The following TRPM4 variants were observed in gnomAD, a reference collection of about 807,000 sequenced individuals.
TRPM4 encodes transient receptor potential cation channel subfamily M member 4.
TRPM4 carries 124 observed loss-of-function variants against 135.6 expected under a neutral mutation model. The ratio of observed to expected loss-of-function variants is 0.91; its 90% CI spans 0.79 to 1.06. The LOEUF is 1.06. TRPM4 is among the 50% of genes least tolerant of loss of function. The pLI, the probability that TRPM4 is intolerant of heterozygous loss-of-function variation, is 0.00. For missense variants in TRPM4, 1,658 were observed against 1,671.4 expected, an observed-to-expected ratio of 0.99 and a Z score of 0.14; for synonymous variants, 745 against 705.6, an observed-to-expected ratio of 1.06 and a Z score of -0.88.
In TRPM4 at chr19:49,161,660, C is replaced by T. The variant is rs530375935; in HGVS notation, c.92+3401C>T. On this transcript the variant is annotated intron_variant, in intron 2 of 24. Coordinates refer to ENST00000252826, the MANE Select transcript of TRPM4 (RefSeq NM_017636.4). ...CTTTTTTTTTTTTGAGACGGAGTCT[C>T]GCTCTATCACCCAGGCTGGAGTGCA... 5.3e-5 allele frequency among the ~76,000 whole-genome samples: 8 copies of T among 150,320 alleles called. No individual in the cohort carries two copies. The South Asian group carries it at 1.1e-3, about 20-fold the overall frequency.
intron 12 of TRPM4, among the ~76,000 whole-genome samples, chr19:49,185,876 A>C (rs1293686635): frequency 4.0e-5 from 6 of 151,832 alleles, no homozygotes; most frequent in Admixed American, 3.9e-4. Flanking sequence ...TCAGCCTCCC[A>C]AGTAGCTGGG....
chr19:49,210,145 AC>A lies in TRPM4; in HGVS notation c.3132-62del. ...CTGAACAATTATTGCCTGGCATCTAACCTTCGTCCTTGCCCCTGGCTGGGCC... is the reference window on the plus strand; with the variant it reads ...CTGAACAATTATTGCCTGGCATCTAACTTCGTCCTTGCCCCTGGCTGGGCC... On this transcript the variant is annotated intron_variant, in intron 20 of 24. Transcript: ENST00000252826. The surrounding 1 kb of genome is among the most constrained non-coding windows in gnomAD (Gnocchi z 4.1). 1 of 1,525,978 alleles carries A rather than the reference AC, an allele frequency of 6.6e-7. No homozygotes were observed. The highest frequency in any genetic ancestry group is 9.1e-7 in the Non-Finnish European group (1 of 1,099,622). 94.5% of individuals were successfully genotyped at this position (1,525,978 alleles called of 1,614,324 possible). A position where few individuals can be genotyped will look rare whatever the true frequency, so the allele number is the denominator to read the frequency against.
intron 17 of TRPM4, 41 bp from the exon 18 acceptor site, chr19:49,200,259 C>A: frequency 6.2e-7 from 1 of 1,614,098 alleles, no homozygotes; most frequent in Non-Finnish European, 8.5e-7. Context: ...TCCTTGGCGT[C>A]TTGTGACACT....
At chr19:49,168,523 G>A (rs199597602) in intron 5 of TRPM4, 30 bp from the exon 6 acceptor site, 1 of 1,613,840 alleles carries the variant, frequency 6.2e-7, no homozygotes, top group East Asian at 2.2e-5. Context: ...CCGATGAGGA[G>A]ACGCCCTGGT....
Position 49,189,681 on chromosome 19 carries a change from A to G in TRPM4, c.2020-527A>G, listed in dbSNP as rs79419052. Among the ~76,000 whole-genome samples the G allele has an allele frequency of 6.7e-3, 1,015 of 152,196 alleles. 11 individuals are homozygous for G. The highest frequency in any genetic ancestry group is 0.023 in the African/African-American group (969 of 41,520). ...AGTTGACATTTTGGAAACATTATCA[A>G]TATTTTTAGTTTAAATCTGACAGGG... On this transcript the variant is annotated intron_variant, in intron 14 of 24. Coordinates refer to ENST00000252826, the MANE Select transcript of TRPM4 (RefSeq NM_017636.4).
At chr19:49,174,144 TTGTGTG>T (rs148469205) in intron 9 of TRPM4, among the ~76,000 whole-genome samples, 1 of 149,620 alleles carries the variant, frequency 6.7e-6, no homozygotes, top group Non-Finnish European at 1.5e-5. Context: ...CAAGGAAAAG[TTGTGTG>T]TGTGTGTGTG....
At chr19:49,204,795 G>A (rs1157666363) in intron 20 of TRPM4, among the ~76,000 whole-genome samples, 1 of 150,056 alleles carries the variant, frequency 6.7e-6, no homozygotes, top group African/African-American at 2.5e-5. Flanking sequence ...TCCTGACCTT[G>A]TGATCCACCC....
chr19:49,202,046 C>T lies in TRPM4; in HGVS notation c.3036C>T (p.Val1012=). 6.2e-7 allele frequency: 1 copy of T among 1,614,068 alleles called. No homozygotes were observed. Among genetic ancestry groups the T allele is most frequent in the Non-Finnish European group, 8.5e-7 (1 of 1,180,032 alleles). The change falls in exon 20 of 25, where the codon GTC becomes GTT. Residue 1012 remains valine, a synonymous_variant. Transcript: ENST00000252826. ...HPPGAQAGTC[V]SQYANWLVVL... The stretch of plus-strand genomic sequence containing the variant: ...CTGGGGCCCAGGCGGGCACCTGCGT[C>T]TCCCAGTATGCCAACTGGCTGGTGG...
rs939231588 is a variant in TRPM4 at position 49,196,741 on chromosome 19, G to A, written c.2512G>A (p.Gly838Ser). 9 of 1,550,108 alleles carry A rather than the reference G, an allele frequency of 5.8e-6. No individual in the cohort carries two copies. The highest frequency in any genetic ancestry group is 7.8e-6 in the Non-Finnish European group (9 of 1,154,238). The change falls in exon 17 of 25, where the codon GGC becomes AGC. Residue 838 changes from glycine (G) to serine (S), a missense_variant. Gly to Ser is a moderately conservative substitution (Grantham distance 56). Coordinates refer to ENST00000252826, the MANE Select transcript of TRPM4 (RefSeq NM_017636.4). ...GCGCCAGGGCCTGAGCGGAGGCGGG[G>A]GCAGCCTCGCCAGCGGGGGCCCCGG... ...ELRQGLSGGG[G>S]SLASGGPGPG...
At chr19:49,200,967 C>A (rs539371292) in intron 19 of TRPM4, among the ~76,000 whole-genome samples, 182 bp downstream of exon 19, 2 of 151,926 alleles carry the variant, frequency 1.3e-5, no homozygotes, top group Non-Finnish European at 2.9e-5. Flanking sequence ...GCCTACCCCA[C>A]CCCCTCTGTC....
chr19:49,189,950 G>C (rs1249066250), intron 14 of TRPM4, among the ~76,000 whole-genome samples: 1 of 152,152 alleles, frequency 6.6e-6, no homozygotes, highest in Non-Finnish European at 1.5e-5. Context: ...TATGTGTCAA[G>C]GGTTCGGTGG....
rs901279982 is a variant in TRPM4 at position 49,157,814 on chromosome 19, C to T, written c.-53C>T. 2 of 1,533,260 alleles carry T rather than the reference C, an allele frequency of 1.3e-6. No homozygotes were observed. Among genetic ancestry groups the T allele is most frequent in the East Asian group, 2.4e-5 (1 of 40,882 alleles). 95.0% of individuals were successfully genotyped at this position (1,533,260 alleles called of 1,614,324 possible). ...TGGGCGGGTCTGGAAGCAGAGCCGGCGGAGGGAGCGCCGGGGCCCTGGGCT... is the reference window on the plus strand; with the variant it reads ...TGGGCGGGTCTGGAAGCAGAGCCGGTGGAGGGAGCGCCGGGGCCCTGGGCT... On this transcript the variant is annotated 5_prime_UTR_variant, in exon 1 of 25. Coordinates refer to ENST00000252826, the MANE Select transcript of TRPM4 (RefSeq NM_017636.4).
At chr19:49,203,188 G>A (rs531788582) in intron 20 of TRPM4, among the ~76,000 whole-genome samples, 97 of 150,678 alleles carry the variant, frequency 6.4e-4, no homozygotes, top group Admixed American at 1.5e-3. Flanking sequence ...ACCGCGCCCC[G>A]CCTTTTTTTG....
chr19:49,182,089 CATCT>C (rs1417263423), intron 10 of TRPM4, among the ~76,000 whole-genome samples: 11 of 139,110 alleles, frequency 7.9e-5, no homozygotes, highest in East Asian at 2.0e-4. Context: ...TCCATCCATC[CATCT>C]GTCCATCCAT....
intron 20 of TRPM4, among the ~76,000 whole-genome samples, chr19:49,205,215 A>C (rs1344783955): frequency 6.6e-6 from 1 of 152,108 alleles, no homozygotes; most frequent in East Asian, 1.9e-4. Flanking sequence ...CTAGAGGTCC[A>C]AAATCAAGGC....
rs1229999129 is a variant in TRPM4 at position 49,183,185 on chromosome 19, A to G, written c.1716A>G (p.Ala572=). 2 of 1,614,138 alleles carry G rather than the reference A, an allele frequency of 1.2e-6. No homozygotes were observed. The highest frequency in any genetic ancestry group is 2.2e-5 in the South Asian group (2 of 91,082). The change falls in exon 12 of 25, where the codon GCA becomes GCG. Residue 572 remains alanine (A), a synonymous_variant. Transcript: ENST00000252826. ...LLLWALLLNR[A]QMAMYFWEMG... is the part of the protein sequence containing the mutation. ...TTTGGGCACTGTTGCTGAACAGGGC[A>G]CAGATGGCCATGTACTTCTGGGAGA...
At position 49,166,159 on chromosome 19, in the gene TRPM4, C is replaced by A. The variant is rs773878985; in HGVS notation, c.211C>A (p.Pro71Thr). Reference protein sequence around the residue: ...WDSDAHTTEKPTDAYGELDFT... With the variant: ...WDSDAHTTEKTTDAYGELDFT... The stretch of plus-strand genomic sequence containing the variant: ...CAGCGATGCACACACCACGGAGAAG[C>A]CCACCGATGCCTACGGAGAGCTGGA... The change falls in exon 3 of 25, where the codon CCC (proline) becomes ACC (threonine). Residue 71 changes from proline (P) to threonine (T), a missense_variant. Physicochemically the swap from Pro to Thr is conservative, Grantham distance 38 (BLOSUM62 -1). This residue lies in a region of TRPM4 where 239 missense variants were observed against 240.1 expected (regional missense o/e 1.00). Transcript: ENST00000252826. 2 of 1,608,662 alleles carry A rather than the reference C, an allele frequency of 1.2e-6. No homozygotes were observed. The highest frequency in any genetic ancestry group is 2.2e-5 in the South Asian group (2 of 89,994).
rs770732960 is a variant in TRPM4 at position 49,210,834 on chromosome 19, G to A, written c.3453G>A (p.Thr1151=). The change falls in exon 22 of 25, where the codon ACG becomes ACA. Residue 1151 remains threonine, a synonymous_variant. Transcript: ENST00000252826. This position sits in a 1 kb window ranked among gnomAD's most constrained non-coding sequence, Gnocchi z 4.1. The part of the protein sequence containing the change: ...RESDSERLKR[T]SQKVDLALKQ... Reference sequence around the variant, plus strand: ...GCGACTCCGAGCGTCTGAAGCGCACGTCCCAGAAGTGAGAGCGGGGCCTGG... The same window carrying A: ...GCGACTCCGAGCGTCTGAAGCGCACATCCCAGAAGTGAGAGCGGGGCCTGG... 1.4e-5 allele frequency: 23 copies of A among 1,611,100 alleles called. No homozygotes were observed. Among genetic ancestry groups the A allele is most frequent in the Non-Finnish European group, 1.9e-5 (22 of 1,179,094 alleles).
At position 49,196,469 on chromosome 19, in the gene TRPM4, TG is replaced by T. The variant is rs1426191656; in HGVS notation, c.2245del (p.Val749SerfsTer32). ...GCGGACCCAGCCGAGAAGACGCCGC[TG>T]GGGGTCCCGCGCCAGTCGGGCCGTC... ...GTADPAEKTP[L>X]GVPRQSGRPG... On this transcript the variant is annotated frameshift_variant, in exon 17 of 25. Transcript: ENST00000252826. LOFTEE classifies it high-confidence loss of function. 5.8e-6 allele frequency: 9 copies of T among 1,552,476 alleles called. No individual in the cohort carries two copies. The highest frequency in any genetic ancestry group is 6.1e-6 in the Non-Finnish European group (7 of 1,152,558).
Sources: gnomAD v4.1 joint callset for allele counts (sites outside exome capture counted in the v4.1 genomes callset) on GRCh38, gnomAD v4.1.1 for gene constraint, gnomAD v4.1.1 regional missense constraint, Gnocchi (gnomAD v3.1) non-coding constraint, MANE v1.5 for transcripts, NCBI Gene and HGNC (gene_info 2026-07-23, HGNC 2026-07-21) for gene names.